The following PPP4R1 variants were observed in gnomAD, a reference collection of about 807,000 sequenced individuals.
PPP4R1 encodes the protein protein phosphatase 4 regulatory subunit 1.
PPP4R1 carries 42 observed loss-of-function variants against 111.2 expected under a neutral mutation model. That is an observed-to-expected ratio of 0.38 (90% CI 0.29 to 0.49). The LOEUF (loss-of-function observed/expected upper bound fraction) is 0.49, where lower values mean the gene tolerates loss of function less well. PPP4R1 is among the 20% of genes least tolerant of loss of function. The probability of loss-of-function intolerance (pLI) is 0.97; values close to 1 mark genes in which losing one functional copy is unlikely to be tolerated. For synonymous variants in PPP4R1, 409 were observed against 405.5 expected (o/e 1.01, Z -0.10); for missense variants, 1,012 against 1,161.6 (o/e 0.87, Z 1.87).
At chr18:9,607,267 G>A (rs2067496125) in intron 2 of PPP4R1, among the ~76,000 whole-genome samples, 1 of 151,958 alleles carries the variant, frequency 6.6e-6, no homozygotes, top group African/African-American at 2.4e-5. Context: ...AAGCTGAGGT[G>A]GGAGGATTAC....
At chr18:9,609,443 A>G (rs7239083) in intron 2 of PPP4R1, among the ~76,000 whole-genome samples, 25,162 of 152,182 alleles carry the variant, frequency 0.17, 2,914 homozygotes, top group African/African-American at 0.33. Flanking sequence ...GGAAGGCCTG[A>G]AGATTCTGCA....
chr18:9,572,266 A>G (rs1160564742), intron 10 of PPP4R1, among the ~76,000 whole-genome samples: 1 of 152,230 alleles, frequency 6.6e-6, no homozygotes, highest in African/African-American at 2.4e-5. Context: ...GGCAACAAGT[A>G]TTAATAAAGA....
intron 2 of PPP4R1, among the ~76,000 whole-genome samples, chr18:9,600,152 C>T (rs1158228479): frequency 1.4e-5 from 2 of 146,990 alleles, no homozygotes; most frequent in Non-Finnish European, 3.0e-5. Context: ...GGGAGTGTTC[C>T]ACTCTGGTAC....
chr18:9,564,500 T>C (rs329023), intron 11 of PPP4R1, among the ~76,000 whole-genome samples: 17,961 of 152,206 alleles, frequency 0.12, 1,302 homozygotes, highest in Middle Eastern at 0.24. Flanking sequence ...CTTAAGAAAA[T>C]TGAACATATT....
In PPP4R1 at chr18:9,595,092, A is replaced by C. The variant is rs201637381; in HGVS notation, c.114T>G (p.Phe38Leu). ...DVIIIPSALD[F>L]VSQDEMLTPL... is the part of the protein sequence containing the mutation. Reference sequence around the variant, plus strand: ...GCGTCAACATTTCATCTTGTGAGACAAAGTCCAGGGCTGAAGGTATAATAA... The same window carrying C: ...GCGTCAACATTTCATCTTGTGAGACCAAGTCCAGGGCTGAAGGTATAATAA... Residue 38 changes from phenylalanine to leucine, a missense_variant, in exon 3 of 20, where the codon TTT becomes TTG. Phe to Leu is a conservative substitution (Grantham distance 22, BLOSUM62 0). Coordinates refer to ENST00000400556, the MANE Select transcript of PPP4R1 (RefSeq NM_001042388.3). 4.1e-4 allele frequency: 657 copies of C among 1,613,990 alleles called. No individual in the cohort carries two copies. The highest frequency in any genetic ancestry group is 5.2e-4 in the Non-Finnish European group (611 of 1,179,878).
Position 9,570,434 on chromosome 18 carries a change from A to G in PPP4R1, c.1296T>C (p.Ser432=). 6.2e-7 allele frequency: 1 copy of G among 1,614,162 alleles called. No homozygotes were observed. Among genetic ancestry groups the G allele is most frequent in the South Asian group, 1.1e-5 (1 of 91,086 alleles). ...ENDKKPGNYK[S]MLRPEVGTTS... is the part of the protein sequence containing the mutation. ...TGGTGCCAACCTCTGGTCGTAACATAGATTTGTAGTTACCAGGTTTTTTAT... is the reference window on the plus strand; with the variant it reads ...TGGTGCCAACCTCTGGTCGTAACATGGATTTGTAGTTACCAGGTTTTTTAT... The change falls in exon 11 of 20, where the codon TCT becomes TCC. Residue 432 remains serine (S), a synonymous_variant. Transcript: ENST00000400556.
At chr18:9,610,442 A>G (rs1219718802) in intron 2 of PPP4R1, among the ~76,000 whole-genome samples, 1 of 152,114 alleles carries the variant, frequency 6.6e-6, no homozygotes, top group Non-Finnish European at 1.5e-5. Flanking sequence ...TTAAATACAT[A>G]TGGTTTTTAT....
intron 10 of PPP4R1, 134 bp from the exon 11 acceptor site, chr18:9,570,817 G>T: frequency 1.1e-6 from 1 of 928,520 alleles, no homozygotes; most frequent in Non-Finnish European, 1.5e-6. Context: ...TACAAACTGA[G>T]TTTATGTATA....
At chr18:9,611,866 C>T (rs1194351565) in intron 2 of PPP4R1, among the ~76,000 whole-genome samples, 4 of 152,054 alleles carry the variant, frequency 2.6e-5, no homozygotes, top group Non-Finnish European at 5.9e-5. Flanking sequence ...ACAAAATTAG[C>T]CAGGCGTGGT....
At chr18:9,573,624 G>A (rs1435562162) in intron 10 of PPP4R1, among the ~76,000 whole-genome samples, 1 of 152,042 alleles carries the variant, frequency 6.6e-6, no homozygotes, top group African/African-American at 2.4e-5. Context: ...AAGAGACAGG[G>A]TCTCGCTCTG....
intron 10 of PPP4R1, among the ~76,000 whole-genome samples, chr18:9,576,699 A>C (rs188081887): frequency 1.4e-3 from 206 of 152,294 alleles, no homozygotes; most frequent in African/African-American, 4.8e-3. Context: ...AAACCCAAAT[A>C]CTACACAGTG....
rs983758537 is a variant in PPP4R1 at position 9,576,943 on chromosome 18, T to A, written c.1046+121A>T. The A allele has an allele frequency of 5.9e-6, 6 of 1,013,318 alleles. No individual in the cohort carries two copies. The African/African-American group carries it at 8.2e-5, about 14-fold the overall frequency. 62.8% of individuals were successfully genotyped at this position (1,013,318 alleles called of 1,614,324 possible). ...TAAAAATATTCACCAATTTTTATAT[T>A]CAAGAGAAATAGCAAACTATCAAAA... On this transcript the variant is annotated intron_variant, in intron 10 of 19. Coordinates refer to ENST00000400556, the MANE Select transcript of PPP4R1 (RefSeq NM_001042388.3).
intron 4 of PPP4R1, among the ~76,000 whole-genome samples, chr18:9,592,201 T>C (rs1478693569): frequency 6.6e-6 from 1 of 152,254 alleles, no homozygotes; most frequent in Non-Finnish European, 1.5e-5. Context: ...GTCATCAGCA[T>C]GGTTTATTAT....
intron 2 of PPP4R1, among the ~76,000 whole-genome samples, chr18:9,602,367 T>TAA (rs11324056): frequency 5.5e-4 from 25 of 45,180 alleles, no homozygotes; most frequent in South Asian, 8.8e-4. Flanking sequence ...CCATCTCTAC[T>TAA]AAAAAAAAAA....
At chr18:9,563,658 T>C in intron 11 of PPP4R1, 108 bp from the exon 12 acceptor site, 1 of 1,049,648 alleles carries the variant, frequency 9.5e-7, no homozygotes, top group Non-Finnish European at 1.3e-6. Flanking sequence ...TATACTTTTT[T>C]GACACTGCAA....
At chr18:9,586,931 A>C (rs534543965) in intron 6 of PPP4R1, among the ~76,000 whole-genome samples, 39 of 152,282 alleles carry the variant, frequency 2.6e-4, no homozygotes, top group South Asian at 8.3e-4. Flanking sequence ...TCAAAAAAAA[A>C]CCCAGAAACT....
chr18:9,549,442 T>A, intron 18 of PPP4R1, 104 bp from the exon 19 acceptor site: 1 of 1,403,178 alleles, frequency 7.1e-7, no homozygotes, highest in Non-Finnish European at 9.7e-7. Flanking sequence ...AAATTTTAGT[T>A]ATTGCTTTTT....
chr18:9,579,682 T>C (rs535955769), intron 9 of PPP4R1, among the ~76,000 whole-genome samples: 15 of 152,356 alleles, frequency 9.8e-5, no homozygotes, highest in East Asian at 3.9e-4. Flanking sequence ...TGTGTCTGTA[T>C]TGAACAAGTA....
At position 9,550,411 on chromosome 18, in the gene PPP4R1, A is replaced by G. The variant is rs775550722; in HGVS notation, c.2292-13T>C. 2 of 1,571,622 alleles carry G rather than the reference A, an allele frequency of 1.3e-6. No homozygotes were observed. The highest frequency in any genetic ancestry group is 1.7e-6 in the Non-Finnish European group (2 of 1,156,274). On this transcript the variant is annotated splice_polypyrimidine_tract_variant and intron_variant, in intron 16 of 19. Transcript: ENST00000400556. ...TAAAATCAGCTGTCTACAAAAAGGA[A>G]TTACAAAAAGACAATGTTTAAAAAT...
Sources: gnomAD v4.1 joint callset for allele counts (sites outside exome capture counted in the v4.1 genomes callset) on GRCh38, gnomAD v4.1.1 for gene constraint, MANE v1.5 for transcripts, NCBI Gene and HGNC (gene_info 2026-07-23, HGNC 2026-07-21) for gene names.